MYO3B: variants seen among roughly 807,000 people sequenced by gnomAD.
MYO3B encodes myosin-IIIb.
In MYO3B, 156 loss-of-function variants were observed where a neutral mutation model predicts 174.6. The observed-to-expected ratio is 0.89, with a 90% confidence interval of 0.78 to 1.02. The LOEUF (loss-of-function observed/expected upper bound fraction) is 1.02. Among genes scored for constraint, MYO3B ranks in the 50% least tolerant of loss-of-function variants. The pLI is 0.00. For synonymous variants in MYO3B, 563 were observed against 569.1 expected (o/e 0.99, Z 0.15); for missense variants, 1,632 against 1,639.4 (o/e 1.00, Z 0.08).
At chr2:170,423,043 A>AT (rs1475134563) in intron 22 of MYO3B, among the ~76,000 whole-genome samples, 27 of 131,786 alleles carry the variant, frequency 2.0e-4, no homozygotes, top group Admixed American at 1.9e-3. Flanking sequence ...ATGCAATGGC[A>AT]TGATCTCAGC....
At chr2:170,356,392 C>A (rs374517774) in intron 8 of MYO3B, among the ~76,000 whole-genome samples, 2 of 151,882 alleles carry the variant, frequency 1.3e-5, no homozygotes, top group South Asian at 2.1e-4. Flanking sequence ...GACAGATTTT[C>A]CCTCTTTTTG....
chr2:170,296,682 G>A (rs3856430), intron 7 of MYO3B, among the ~76,000 whole-genome samples: 101,971 of 151,944 alleles, frequency 0.67, 34,387 homozygotes, highest in Admixed American at 0.73. Context: ...TCACATTGCT[G>A]TAAAAAAATA....
chr2:170,467,975 A>AT (rs1684750664), intron 25 of MYO3B, among the ~76,000 whole-genome samples: 1 of 152,126 alleles, frequency 6.6e-6, no homozygotes, highest in South Asian at 2.1e-4. Context: ...CTAGTCAAGT[A>AT]TTTTTTGTAA....
At chr2:170,183,892 G>C (rs1173349559) in intron 1 of MYO3B, among the ~76,000 whole-genome samples, 2 of 124,956 alleles carry the variant, frequency 1.6e-5, no homozygotes, top group African/African-American at 5.3e-5. Flanking sequence ...CTAAAAATTA[G>C]ATATTAAAAC....
chr2:170,399,741 G>A (rs956340074), intron 16 of MYO3B, among the ~76,000 whole-genome samples: 1 of 152,160 alleles, frequency 6.6e-6, no homozygotes, highest in African/African-American at 2.4e-5. Context: ...TTGGGAGCTG[G>A]TATTAGTTAG....
intron 30 of MYO3B, among the ~76,000 whole-genome samples, chr2:170,532,125 G>A (rs1038986497): frequency 2.6e-5 from 4 of 152,202 alleles, no homozygotes; most frequent in Non-Finnish European, 4.4e-5. Context: ...CTGTTATGAT[G>A]TATTGAGAAG....
intron 8 of MYO3B, among the ~76,000 whole-genome samples, chr2:170,356,858 G>T (rs2094125626): frequency 6.6e-6 from 1 of 151,942 alleles, no homozygotes; most frequent in Non-Finnish European, 1.5e-5. Context: ...GCTCACTGCA[G>T]CCTCAACCTC....
chr2:170,278,855 A>G (rs996431619), intron 7 of MYO3B, among the ~76,000 whole-genome samples: 3 of 152,062 alleles, frequency 2.0e-5, no homozygotes, highest in Admixed American at 1.3e-4. Flanking sequence ...TAGTTCCCAC[A>G]TTGGAATGAG....
chr2:170,520,716 C>T (rs546950147), intron 30 of MYO3B, among the ~76,000 whole-genome samples: 2 of 152,216 alleles, frequency 1.3e-5, no homozygotes, highest in South Asian at 2.1e-4. Flanking sequence ...GCTCAAGCTG[C>T]AGGGCCCGAT....
chr2:170,597,270 C>G (rs1011440429), intron 32 of MYO3B, among the ~76,000 whole-genome samples: 1 of 151,026 alleles, frequency 6.6e-6, no homozygotes, highest in Admixed American at 6.6e-5. Flanking sequence ...ACTCAGGAGG[C>G]TGAAGCAGGA....
intron 7 of MYO3B, among the ~76,000 whole-genome samples, chr2:170,261,473 C>T (rs535661386): frequency 7.2e-5 from 11 of 152,274 alleles, no homozygotes; most frequent in African/African-American, 2.2e-4. Flanking sequence ...GAATTGATCC[C>T]GTCACCAGAT....
At chr2:170,504,351 G>A (rs537751010) in intron 28 of MYO3B, among the ~76,000 whole-genome samples, 12 of 152,164 alleles carry the variant, frequency 7.9e-5, no homozygotes, top group Non-Finnish European at 1.8e-4. Context: ...ATTTTTAAAA[G>A]AGCGGCCCTT....
At chr2:170,632,719 A>AGATT (rs1222604672) in intron 32 of MYO3B, among the ~76,000 whole-genome samples, 4 of 152,220 alleles carry the variant, frequency 2.6e-5, no homozygotes, top group African/African-American at 4.8e-5. Flanking sequence ...AAGATCAATA[A>AGATT]GATTGATAGA....
intron 3 of MYO3B, among the ~76,000 whole-genome samples, chr2:170,207,267 G>A (rs555113156): frequency 1.3e-5 from 2 of 152,258 alleles, no homozygotes; most frequent in African/African-American, 4.8e-5. Context: ...ATCTCCCTCA[G>A]AGGCCTATCT....
chr2:170,383,859 A>C (rs2094354095), intron 12 of MYO3B, 45 bp downstream of exon 12: 2 of 1,474,112 alleles, frequency 1.4e-6, no homozygotes, highest in East Asian at 2.3e-5. Context: ...CAGTTAAGAC[A>C]TGTTGTGTCT....
At chr2:170,222,015 G>A (rs1244234009) in intron 6 of MYO3B, among the ~76,000 whole-genome samples, 1 of 152,228 alleles carries the variant, frequency 6.6e-6, no homozygotes, top group Non-Finnish European at 1.5e-5. Flanking sequence ...TTGAACAATA[G>A]ATAATTAAGT....
In MYO3B at chr2:170,519,566, C is replaced by T. The variant is rs748805517; in HGVS notation, c.3575+26C>T. 51 of 1,555,750 alleles carry T rather than the reference C, an allele frequency of 3.3e-5. 1 individual carries two copies. In the Middle Eastern group the frequency reaches 5.0e-4, roughly 15 times the overall value. On this transcript the variant is annotated intron_variant, in intron 30 of 34. Coordinates refer to ENST00000408978, the MANE Select transcript of MYO3B (RefSeq NM_138995.5). ...GTGAGCATTATCTGCTAAGAGTTCC[C>T]TGTTGTAAACTCAGGTGCTCCATTC... is the stretch of plus-strand genomic sequence containing the variant.
intron 7 of MYO3B, among the ~76,000 whole-genome samples, chr2:170,294,517 T>A (rs2093616589): frequency 6.6e-6 from 1 of 152,046 alleles, no homozygotes; most frequent in Non-Finnish European, 1.5e-5. Context: ...ATACTGTGAT[T>A]TGTGTGAATT....
At chr2:170,483,449 C>G (rs971457212) in intron 25 of MYO3B, among the ~76,000 whole-genome samples, 4 of 108,716 alleles carry the variant, frequency 3.7e-5, no homozygotes, top group Non-Finnish European at 6.4e-5. Flanking sequence ...TGCAGTGGCG[C>G]GATCTCGGCT....
Sources: gnomAD v4.1 joint callset for allele counts (sites outside exome capture counted in the v4.1 genomes callset) on GRCh38, gnomAD v4.1.1 for gene constraint, MANE v1.5 for transcripts, NCBI Gene and HGNC (gene_info 2026-07-23, HGNC 2026-07-21) for gene names.